Variants in CTNNA3 observed in about 807,000 individuals in gnomAD.
The protein encoded by CTNNA3 is catenin alpha-3.
CTNNA3 carries 76 observed loss-of-function variants against 95.7 expected under a neutral mutation model. The ratio of observed to expected loss-of-function variants is 0.79; its 90% CI spans 0.66 to 0.96. The LOEUF is 0.96. Ranked by LOEUF, CTNNA3 falls within the 40% of genes least tolerant of loss-of-function variation. The probability of loss-of-function intolerance (pLI) is 0.00; values close to 1 mark genes in which losing one functional copy is unlikely to be tolerated. For synonymous variants in CTNNA3, 431 were observed against 374.4 expected (o/e 1.15, Z -1.74); for missense variants, 1,191 against 1,089.8 (o/e 1.09, Z -1.31).
intron 5 of CTNNA3, chr10:67,334,925 CA>C (rs1310622769): frequency 1.3e-5 from 2 of 153,342 alleles, no homozygotes; most frequent in Non-Finnish European, 2.9e-5. Context: ...AAAAACAATC[CA>C]AATTCTTTAA....
intron 6 of CTNNA3, among the ~76,000 whole-genome samples, chr10:67,203,894 G>A (rs1280247225): frequency 6.6e-6 from 1 of 152,070 alleles, no homozygotes; most frequent in African/African-American, 2.4e-5. Flanking sequence ...AATGAGCTTG[G>A]GCTGGAAATT....
intron 17 of CTNNA3, among the ~76,000 whole-genome samples, chr10:65,925,755 T>C (rs2077160245): frequency 6.6e-6 from 1 of 152,184 alleles, no homozygotes; most frequent in Non-Finnish European, 1.5e-5. Flanking sequence ...AATATATCTT[T>C]ATTCTATTCC....
At chr10:65,944,662 G>A (rs187260728) in intron 17 of CTNNA3, among the ~76,000 whole-genome samples, 132 of 152,246 alleles carry the variant, frequency 8.7e-4, no homozygotes, top group African/African-American at 3.1e-3. Flanking sequence ...GCTGGCATAT[G>A]GAATGTTTCA....
intron 13 of CTNNA3, among the ~76,000 whole-genome samples, chr10:66,144,628 C>A (rs1490258897): frequency 2.0e-4 from 31 of 152,070 alleles, no homozygotes; most frequent in Admixed American, 2.0e-3. Flanking sequence ...GCTGAGATTA[C>A]AGGGACCAGC....
chr10:66,831,453 A>C (rs1241942324), intron 7 of CTNNA3, among the ~76,000 whole-genome samples: 2 of 152,000 alleles, frequency 1.3e-5, no homozygotes, highest in Non-Finnish European at 2.9e-5. Context: ...CCAAGCTTTC[A>C]CTCCACTAAC....
At chr10:67,600,521 A>G (rs1252411004) in intron 3 of CTNNA3, among the ~76,000 whole-genome samples, 1 of 152,182 alleles carries the variant, frequency 6.6e-6, no homozygotes, top group African/African-American at 2.4e-5. Context: ...TAAAACTACA[A>G]TATAATACCA....
At chr10:67,646,112 C>CT (rs571411794) in intron 2 of CTNNA3, among the ~76,000 whole-genome samples, 1 of 148,570 alleles carries the variant, frequency 6.7e-6, no homozygotes, top group Admixed American at 6.7e-5. Context: ...TGTTTTTATT[C>CT]TTTTTTTTAA....
intron 10 of CTNNA3, among the ~76,000 whole-genome samples, chr10:66,553,561 C>T (rs1842294536): frequency 2.9e-5 from 3 of 102,224 alleles, no homozygotes; most frequent in Admixed American, 1.6e-4. Flanking sequence ...GAGTCTTGCT[C>T]TGTCACCCAG....
chr10:66,169,987 GA>G (rs2085333787), intron 13 of CTNNA3, among the ~76,000 whole-genome samples: 1 of 152,062 alleles, frequency 6.6e-6, no homozygotes, highest in Non-Finnish European at 1.5e-5. Flanking sequence ...TTACTCTGCT[GA>G]CTATTTCTTT....
At position 65,915,898 on chromosome 10, in the gene CTNNA3, C is replaced by T. The variant is rs1279464456; in HGVS notation, c.*4432G>A. On this transcript the variant is annotated 3_prime_UTR_variant, in exon 18 of 18. Coordinates refer to ENST00000433211, the MANE Select transcript of CTNNA3 (RefSeq NM_013266.4). Reference sequence around the variant, plus strand: ...AAAGGTATTTAAAATTTTACTTCTTCTCTTTCTCTTTGAGATGACTAAGAT... The same window carrying T: ...AAAGGTATTTAAAATTTTACTTCTTTTCTTTCTCTTTGAGATGACTAAGAT... 6.6e-6 allele frequency: 1 copy of T among 152,098 alleles called. No homozygotes were observed. Among genetic ancestry groups the T allele is most frequent in the African/African-American group, 2.4e-5 (1 of 41,394 alleles). The allele number at this position is 152,098 out of a possible 1,614,324, so 9.4% of individuals were successfully genotyped here. A position where few individuals can be genotyped will look rare whatever the true frequency, so the allele number is the denominator to read the frequency against.
At chr10:66,868,576 C>A (rs576358184) in intron 7 of CTNNA3, among the ~76,000 whole-genome samples, 15 of 151,602 alleles carry the variant, frequency 9.9e-5, no homozygotes, top group Non-Finnish European at 1.6e-4. Flanking sequence ...CATGGTGAAA[C>A]CCCATCTCTA....
intron 7 of CTNNA3, among the ~76,000 whole-genome samples, chr10:66,889,629 C>T (rs1182455260): frequency 1.3e-5 from 2 of 151,894 alleles, no homozygotes; most frequent in Admixed American, 6.6e-5. Context: ...TAAGAAACAG[C>T]AAGATTGGAG....
intron 13 of CTNNA3, among the ~76,000 whole-genome samples, chr10:66,183,223 TTTGTAAATAAAGTTTTA>T (rs903332823): frequency 1.2e-3 from 187 of 152,300 alleles, no homozygotes; most frequent in African/African-American, 3.9e-3. Flanking sequence ...CTCTATCTCT[TTTGTAAATAAAGTTTTA>T]TTGTAAATAA....
intron 7 of CTNNA3, among the ~76,000 whole-genome samples, chr10:67,067,908 G>T (rs866613347): frequency 6.6e-6 from 1 of 152,200 alleles, no homozygotes; most frequent in African/African-American, 2.4e-5. Context: ...CAACACAAAG[G>T]AAGGAGGTGT....
At chr10:66,952,631 T>C (rs535820007) in intron 7 of CTNNA3, among the ~76,000 whole-genome samples, 2 of 152,158 alleles carry the variant, frequency 1.3e-5, no homozygotes, top group Non-Finnish European at 2.9e-5. Flanking sequence ...GGTAAATCAA[T>C]TAATTCTAAG....
At chr10:66,750,192 T>C (rs1253700606) in intron 9 of CTNNA3, among the ~76,000 whole-genome samples, 2 of 152,224 alleles carry the variant, frequency 1.3e-5, no homozygotes, top group African/African-American at 4.8e-5. Context: ...CATATTATCT[T>C]TTGCAGAACA....
At chr10:66,034,392 T>C (rs943279088) in intron 15 of CTNNA3, among the ~76,000 whole-genome samples, 3 of 152,140 alleles carry the variant, frequency 2.0e-5, no homozygotes, top group Non-Finnish European at 4.4e-5. Flanking sequence ...ATTCTGAGAA[T>C]GAAAACAAGG....
chr10:67,603,417 C>A (rs1843150624), intron 3 of CTNNA3, among the ~76,000 whole-genome samples: 1 of 152,224 alleles, frequency 6.6e-6, no homozygotes, highest in East Asian at 1.9e-4. Context: ...TTTGGTAACA[C>A]TTCCAGAAGA....
intron 14 of CTNNA3, among the ~76,000 whole-genome samples, chr10:66,097,158 C>T (rs1252669409): frequency 6.6e-6 from 1 of 152,036 alleles, no homozygotes; most frequent in Non-Finnish European, 1.5e-5. Context: ...TTCATTAGTC[C>T]CCTTCTTGAG....
Sources: gnomAD v4.1 joint callset for allele counts (sites outside exome capture counted in the v4.1 genomes callset) on GRCh38, gnomAD v4.1.1 for gene constraint, MANE v1.5 for transcripts, NCBI Gene and HGNC (gene_info 2026-07-23, HGNC 2026-07-21) for gene names.